GMDS: variants seen among roughly 807,000 people sequenced by gnomAD.
GMDS encodes GDP-mannose 4,6-dehydratase, also known as GDP-mannose 4,6 dehydratase.
GMDS carries 20 observed loss-of-function variants against 49.9 expected under a neutral mutation model. That is an observed-to-expected ratio of 0.40 (90% confidence interval 0.28 to 0.58). The LOEUF (loss-of-function observed/expected upper bound fraction) is 0.58. Ranked by LOEUF, GMDS falls within the 20% of genes least tolerant of loss-of-function variation. The pLI, the probability that GMDS is intolerant of heterozygous loss-of-function variation, is 0.42. For synonymous variants in GMDS, 177 were observed against 178.6 expected (o/e 0.99, Z 0.07); for missense variants, 362 against 481.4 (o/e 0.75, Z 2.32).
chr6:1,849,168 T>C (rs1363957451), intron 7 of GMDS, among the ~76,000 whole-genome samples: 1 of 152,226 alleles, frequency 6.6e-6, no homozygotes, highest in African/African-American at 2.4e-5. Flanking sequence ...TAGTCACTTG[T>C]TGATTAAATT....
chr6:2,122,991 C>T (rs1285140581), intron 2 of GMDS, among the ~76,000 whole-genome samples: 2 of 152,200 alleles, frequency 1.3e-5, no homozygotes, highest in Non-Finnish European at 2.9e-5. Context: ...TCAAATACCA[C>T]AAAAACATCT....
chr6:2,058,338 CAAA>C (rs11390421), intron 4 of GMDS, among the ~76,000 whole-genome samples: 3 of 90,318 alleles, frequency 3.3e-5, no homozygotes, highest in Admixed American at 1.2e-4. Flanking sequence ...GAGTAAGACT[CAAA>C]AAAAAAAAAA....
intron 6 of GMDS, chr6:1,959,567 T>C (rs1763825853): frequency 5.0e-6 from 1 of 201,032 alleles, no homozygotes; most frequent in South Asian, 1.7e-4. Context: ...TTTGCATTCA[T>C]ATAGTAGCTT....
intron 4 of GMDS, among the ~76,000 whole-genome samples, chr6:2,065,425 A>G (rs1581598121): frequency 6.6e-6 from 1 of 152,264 alleles, no homozygotes; most frequent in Non-Finnish European, 1.5e-5. Context: ...TGGATGGAGA[A>G]TGACTTTGAC....
chr6:2,242,665 A>G (rs1485062209), intron 1 of GMDS, among the ~76,000 whole-genome samples: 1 of 152,248 alleles, frequency 6.6e-6, no homozygotes. Flanking sequence ...CACAGTCTGT[A>G]TAACAAAATG....
chr6:1,653,962 TAAC>T (rs557699146), intron 9 of GMDS, among the ~76,000 whole-genome samples: 12 of 151,862 alleles, frequency 7.9e-5, no homozygotes, highest in African/African-American at 2.2e-4. Flanking sequence ...TCCTACAACT[TAAC>T]AACAACAACA....
Position 1,779,325 on chromosome 6 carries a change from T to C in GMDS, c.772-36739A>G, listed in dbSNP as rs3800059. On this transcript the variant is annotated intron_variant, in intron 7 of 10. Coordinates refer to ENST00000380815, the MANE Select transcript of GMDS (RefSeq NM_001500.4). ...CTGGCCGGGGGAAGTATCCTGCTTC[T>C]GGAGCTGGAAGTGCTCCTGTGGCAT... Among the ~76,000 whole-genome samples, 75 of 152,310 alleles carry C rather than the reference T, an allele frequency of 4.9e-4. 1 individual carries two copies. In the East Asian group the frequency reaches 0.014, roughly 28 times the overall value.
intron 4 of GMDS, among the ~76,000 whole-genome samples, chr6:1,969,566 C>T (rs991136778): frequency 2.0e-5 from 3 of 152,230 alleles, no homozygotes; most frequent in East Asian, 1.9e-4. Context: ...TTGTAACATA[C>T]GTTGTTTGCC....
chr6:1,900,252 C>T (rs993677431), intron 7 of GMDS, among the ~76,000 whole-genome samples: 6 of 152,138 alleles, frequency 3.9e-5, no homozygotes, highest in African/African-American at 1.4e-4. Context: ...TGGATGGCCA[C>T]GCAGGTAGAG....
intron 7 of GMDS, among the ~76,000 whole-genome samples, chr6:1,828,198 A>T (rs1415970314): frequency 6.6e-6 from 1 of 152,114 alleles, no homozygotes; most frequent in Non-Finnish European, 1.5e-5. Flanking sequence ...AAGCAAGCAG[A>T]AGAATTAGTA....
At chr6:2,149,831 C>T (rs962637873) in intron 1 of GMDS, among the ~76,000 whole-genome samples, 1 of 152,174 alleles carries the variant, frequency 6.6e-6, no homozygotes, top group African/African-American at 2.4e-5. Context: ...TGAGTACACA[C>T]AGCAGATTCC....
chr6:1,756,118 A>C (rs1309204010), intron 7 of GMDS, among the ~76,000 whole-genome samples: 3 of 152,266 alleles, frequency 2.0e-5, no homozygotes, highest in African/African-American at 4.8e-5. Flanking sequence ...AATTACCATA[A>C]ACAATATATT....
rs1768343534 is a variant in GMDS at position 1,766,158 on chromosome 6, A to C, written c.772-23572T>G. On this transcript the variant is annotated intron_variant, in intron 7 of 10. Transcript: ENST00000380815. The surrounding 1 kb of genome is among the most constrained non-coding windows in gnomAD (Gnocchi z 4.5). ...ATTCGCTGCCCGTCTGTTTAAATGTAATACTCTTTCAGTGCATCAAGATAC... is the reference window on the plus strand; with the variant it reads ...ATTCGCTGCCCGTCTGTTTAAATGTCATACTCTTTCAGTGCATCAAGATAC... Among the ~76,000 whole-genome samples, 1 of 152,320 alleles carries C rather than the reference A, an allele frequency of 6.6e-6. No individual in the cohort carries two copies. Among genetic ancestry groups the C allele is most frequent in the Non-Finnish European group, 1.5e-5 (1 of 68,030 alleles).
chr6:2,051,492 TAAACTCAA>T (rs1261736738), intron 4 of GMDS, among the ~76,000 whole-genome samples: 1 of 152,246 alleles, frequency 6.6e-6, no homozygotes, highest in Non-Finnish European at 1.5e-5. Context: ...ATTCCGGGAA[TAAACTCAA>T]TTGGCTAATA....
intron 2 of GMDS, among the ~76,000 whole-genome samples, chr6:2,119,806 G>A (rs539117128): frequency 6.6e-6 from 1 of 152,126 alleles, no homozygotes; most frequent in African/African-American, 2.4e-5. Context: ...GAAACACTGA[G>A]GTCTTACAAT....
chr6:1,901,562 C>T (rs1435271172), intron 7 of GMDS, among the ~76,000 whole-genome samples: 1 of 152,156 alleles, frequency 6.6e-6, no homozygotes, highest in East Asian at 1.9e-4. Context: ...TAAAAGGGAT[C>T]CAAATACAAA....
At chr6:1,818,594 G>A (rs373791901) in intron 7 of GMDS, among the ~76,000 whole-genome samples, 3 of 144,242 alleles carry the variant, frequency 2.1e-5, no homozygotes, top group African/African-American at 7.8e-5. Context: ...GGGGACAAGA[G>A]TGAGACTTCA....
chr6:2,168,712 A>G (rs769751968), intron 1 of GMDS, among the ~76,000 whole-genome samples: 1 of 152,172 alleles, frequency 6.6e-6, no homozygotes, highest in Non-Finnish European at 1.5e-5. Context: ...TTTAAAAGAA[A>G]CTCTTAAAAT....
At chr6:1,701,533 A>G (rs566948529) in intron 9 of GMDS, among the ~76,000 whole-genome samples, 2 of 152,192 alleles carry the variant, frequency 1.3e-5, no homozygotes, top group African/African-American at 4.8e-5. Context: ...TTTGAGCTTA[A>G]AGGCAAGTCT....
Sources: allele counts gnomAD v4.1 joint callset (sites outside exome capture counted in the v4.1 genomes callset), GRCh38; gene constraint gnomAD v4.1.1; non-coding constraint Gnocchi (gnomAD v3.1); transcripts MANE v1.5; gene names NCBI Gene and HGNC (gene_info 2026-07-23, HGNC 2026-07-21).